TPRG1: variants seen among roughly 807,000 people sequenced by gnomAD.
TPRG1 encodes the protein tumor protein p63 regulated 1, also known as tumor protein p63-regulated gene 1 protein.
In TPRG1, 29 loss-of-function variants were observed where a neutral mutation model predicts 29.3. That is an observed-to-expected ratio of 0.99 (90% CI 0.74 to 1.35). The LOEUF (loss-of-function observed/expected upper bound fraction) is 1.35, where lower values mean the gene tolerates loss of function less well. TPRG1 is among the 40% of genes most tolerant of loss of function. The probability of loss-of-function intolerance (pLI) is 0.00; values close to 1 mark genes in which losing one functional copy is unlikely to be tolerated. For missense variants in TPRG1, 327 were observed against 335.0 expected, an observed-to-expected ratio of 0.98 and a Z score of 0.19; for synonymous variants, 130 against 116.8, an observed-to-expected ratio of 1.11 and a Z score of -0.73.
At chr3:189,249,598 G>A (rs1741857211) in intron 4 of TPRG1, among the ~76,000 whole-genome samples, 1 of 151,482 alleles carries the variant, frequency 6.6e-6, no homozygotes, top group African/African-American at 2.4e-5. Context: ...TTTGATTTTT[G>A]TATCATATTT....
chr3:189,209,391 C>G (rs1734910525), intron 2 of TPRG1, among the ~76,000 whole-genome samples: 1 of 152,154 alleles, frequency 6.6e-6, no homozygotes, highest in African/African-American at 2.4e-5. Flanking sequence ...TGGAAACACA[C>G]ACAAAAAAGC....
At chr3:189,060,460 A>G (rs995593874) in intron 4 of TPRG1, among the ~76,000 whole-genome samples, 1 of 152,138 alleles carries the variant, frequency 6.6e-6, no homozygotes, top group Non-Finnish European at 1.5e-5. Context: ...AGGTAAGAGA[A>G]AGAAATAAAC....
At chr3:189,234,573 G>C (rs1459059606) in intron 3 of TPRG1, among the ~76,000 whole-genome samples, 1 of 152,134 alleles carries the variant, frequency 6.6e-6, no homozygotes. Flanking sequence ...GTTATTTTGT[G>C]GGGTACTATT....
intron 4 of TPRG1, among the ~76,000 whole-genome samples, chr3:189,051,905 A>C (rs1715347220): frequency 6.6e-6 from 1 of 152,218 alleles, no homozygotes; most frequent in Admixed American, 6.5e-5. Flanking sequence ...TAGGAGAATG[A>C]AACTGGATCC....
intron 1 of TPRG1, among the ~76,000 whole-genome samples, chr3:189,117,876 T>A (rs758962206): frequency 1.3e-5 from 2 of 152,204 alleles, no homozygotes; most frequent in Non-Finnish European, 2.9e-5. Flanking sequence ...TATTTCTTCA[T>A]AGCAGTGTGA....
chr3:189,102,296 A>G (rs1719300495), intron 1 of TPRG1, among the ~76,000 whole-genome samples: 1 of 152,178 alleles, frequency 6.6e-6, no homozygotes, highest in Non-Finnish European at 1.5e-5. Flanking sequence ...ATGTATATAA[A>G]AAGCTGACTT....
chr3:189,307,871 G>A (rs1721866554), intron 4 of TPRG1, among the ~76,000 whole-genome samples: 2 of 152,184 alleles, frequency 1.3e-5, no homozygotes, highest in Non-Finnish European at 2.9e-5. Flanking sequence ...TTCCATGTTT[G>A]TAAAATGTTG....
chr3:189,046,951 A>G (rs769270446), intron 4 of TPRG1, among the ~76,000 whole-genome samples: 3 of 152,224 alleles, frequency 2.0e-5, no homozygotes, highest in Non-Finnish European at 4.4e-5. Flanking sequence ...ATGAGTTCTC[A>G]CTGAACGCAG....
chr3:189,129,656 C>T (rs1436273769), intron 2 of TPRG1, among the ~76,000 whole-genome samples: 1 of 152,034 alleles, frequency 6.6e-6, no homozygotes, highest in African/African-American at 2.4e-5. Flanking sequence ...TCCTCATTTT[C>T]TCTATATTTA....
At chr3:189,157,436 C>T (rs1178798246) in intron 5 of TPRG1, among the ~76,000 whole-genome samples, 1 of 152,110 alleles carries the variant, frequency 6.6e-6, no homozygotes, top group Non-Finnish European at 1.5e-5. Context: ...TCGACAGAGT[C>T]CAAGGCAGAT....
intron 4 of TPRG1, among the ~76,000 whole-genome samples, chr3:189,080,571 A>C (rs1056749777): frequency 6.6e-6 from 1 of 152,166 alleles, no homozygotes; most frequent in Non-Finnish European, 1.5e-5. Context: ...AAGGGAGAGG[A>C]TGGATCTGAG....
At chr3:189,077,574 C>T (rs758681236) in intron 4 of TPRG1, among the ~76,000 whole-genome samples, 29 of 152,032 alleles carry the variant, frequency 1.9e-4, no homozygotes, top group Non-Finnish European at 3.2e-4. Flanking sequence ...TATAGGTGTA[C>T]AAAATTGTCA....
intron 5 of TPRG1, among the ~76,000 whole-genome samples, chr3:189,160,797 C>T (rs760426704): frequency 2.6e-5 from 4 of 152,170 alleles, no homozygotes; most frequent in Non-Finnish European, 4.4e-5. Flanking sequence ...GATCATCACA[C>T]GGAAAATACT....
chr3:189,311,172 G>A (rs754858619), intron 5 of TPRG1, among the ~76,000 whole-genome samples: 10 of 152,098 alleles, frequency 6.6e-5, no homozygotes, highest in Admixed American at 1.3e-4. Flanking sequence ...AAAGCAGAAC[G>A]GGGGCATTCT....
intron 1 of TPRG1, among the ~76,000 whole-genome samples, chr3:189,190,709 C>G (rs2108739880): frequency 6.6e-6 from 1 of 152,182 alleles, no homozygotes; most frequent in Middle Eastern, 3.4e-3. Context: ...GTAAGCAGGC[C>G]TGGCATCAAT....
chr3:189,129,838 T>C (rs1049332216), intron 2 of TPRG1, among the ~76,000 whole-genome samples: 28 of 152,174 alleles, frequency 1.8e-4, no homozygotes, highest in Admixed American at 1.4e-3. Flanking sequence ...GGAAGGAGTA[T>C]GAAAATAATT....
At chr3:189,287,266 G>A (rs1718209552) in intron 4 of TPRG1, among the ~76,000 whole-genome samples, 1 of 152,040 alleles carries the variant, frequency 6.6e-6, no homozygotes, top group East Asian at 1.9e-4. Context: ...AATTCTACTT[G>A]TCTCATTGTC....
At chr3:189,253,535 A>G (rs74960780) in intron 4 of TPRG1, among the ~76,000 whole-genome samples, 13,507 of 152,172 alleles carry the variant, frequency 0.089, 1,510 homozygotes, top group African/African-American at 0.27. Context: ...AGTCTTTGCT[A>G]TTGTAAATTG....
At chr3:188,999,116 A>C (rs1270045457) in intron 1 of TPRG1, among the ~76,000 whole-genome samples, 1 of 152,198 alleles carries the variant, frequency 6.6e-6, no homozygotes, top group East Asian at 1.9e-4. Flanking sequence ...GGTAAGGGTA[A>C]GGGTAGTGAG....
Sources: gnomAD v4.1 joint callset for allele counts (sites outside exome capture counted in the v4.1 genomes callset) on GRCh38, gnomAD v4.1.1 for gene constraint, MANE v1.5 for transcripts, NCBI Gene and HGNC (gene_info 2026-07-23, HGNC 2026-07-21) for gene names.